The following ST6GALNAC3 variants were observed in gnomAD, a reference collection of about 807,000 sequenced individuals.
The protein encoded by ST6GALNAC3 is alpha-N-acetylgalactosaminide alpha-2,6-sialyltransferase 3.
A neutral mutation model predicts 32.7 loss-of-function variants in ST6GALNAC3; 25 were observed. The ratio of observed to expected loss-of-function variants is 0.76; its 90% CI spans 0.56 to 1.07. The LOEUF (loss-of-function observed/expected upper bound fraction) is 1.07. ST6GALNAC3 is among the 50% of genes least tolerant of loss of function. ST6GALNAC3 has a pLI of 0.00. For missense variants in ST6GALNAC3, 355 were observed against 382.4 expected, an observed-to-expected ratio of 0.93 and a Z score of 0.60; for synonymous variants, 129 against 133.1, an observed-to-expected ratio of 0.97 and a Z score of 0.21.
intron 1 of ST6GALNAC3, among the ~76,000 whole-genome samples, chr1:76,116,998 A>G (rs1007937244): frequency 6.6e-6 from 1 of 152,150 alleles, no homozygotes; most frequent in South Asian, 2.1e-4. Flanking sequence ...GGCTCTCCAC[A>G]TGCTCCAGGC....
At chr1:76,180,995 G>C (rs1019023088) in intron 1 of ST6GALNAC3, among the ~76,000 whole-genome samples, 6 of 152,232 alleles carry the variant, frequency 3.9e-5, no homozygotes, top group African/African-American at 9.6e-5. Flanking sequence ...TGCGTGGATG[G>C]CAAGGCTAAA....
At chr1:76,344,613 T>G (rs1648340170) in intron 2 of ST6GALNAC3, among the ~76,000 whole-genome samples, 1 of 152,184 alleles carries the variant, frequency 6.6e-6, no homozygotes. Flanking sequence ...TGAATATGAT[T>G]CCTGCTATAC....
intron 1 of ST6GALNAC3, among the ~76,000 whole-genome samples, chr1:76,274,764 A>G (rs1659039980): frequency 1.3e-5 from 2 of 152,070 alleles, no homozygotes; most frequent in Non-Finnish European, 2.9e-5. Context: ...TTTCCAGGGT[A>G]CTCTCTTATC....
intron 1 of ST6GALNAC3, among the ~76,000 whole-genome samples, chr1:76,238,231 T>G (rs1037336082): frequency 6.6e-6 from 1 of 152,256 alleles, no homozygotes; most frequent in Non-Finnish European, 1.5e-5. Flanking sequence ...CCTTGGATTC[T>G]CTACATATCC....
intron 2 of ST6GALNAC3, among the ~76,000 whole-genome samples, chr1:76,332,355 C>T (rs541419342): frequency 6.6e-6 from 1 of 152,246 alleles, no homozygotes; most frequent in Admixed American, 6.5e-5. Flanking sequence ...TTTTTCTCAT[C>T]TTCTAATTCG....
chr1:76,507,385 G>A (rs1054905125), intron 3 of ST6GALNAC3, among the ~76,000 whole-genome samples: 18 of 151,916 alleles, frequency 1.2e-4, no homozygotes, highest in African/African-American at 4.4e-4. Flanking sequence ...ATCAATTTTA[G>A]GACACTTTCA....
At chr1:76,135,196 A>C (rs1649865349) in intron 1 of ST6GALNAC3, among the ~76,000 whole-genome samples, 1 of 152,136 alleles carries the variant, frequency 6.6e-6, no homozygotes, top group South Asian at 2.1e-4. Context: ...ATAATAAAAA[A>C]CTTGCTAATA....
At chr1:76,260,386 G>A (rs1557734616) in intron 1 of ST6GALNAC3, among the ~76,000 whole-genome samples, 1 of 152,214 alleles carries the variant, frequency 6.6e-6, no homozygotes, top group Non-Finnish European at 1.5e-5. Flanking sequence ...AGCAAAGGCT[G>A]ATCTTTAAGG....
intron 3 of ST6GALNAC3, among the ~76,000 whole-genome samples, chr1:76,422,821 A>C (rs1337932864): frequency 1.3e-5 from 2 of 152,046 alleles, no homozygotes; most frequent in Non-Finnish European, 2.9e-5. Context: ...TTGCACGAAC[A>C]TCTAGCACTA....
At position 76,472,841 on chromosome 1, in the gene ST6GALNAC3, G is replaced by C. The variant is rs183369340; in HGVS notation, c.623+60424G>C. 6.6e-5 allele frequency among the ~76,000 whole-genome samples: 10 copies of C among 152,208 alleles called. No individual in the cohort carries two copies. The East Asian group carries it at 1.7e-3, about 27-fold the overall frequency. On this transcript the variant is annotated intron_variant, in intron 3 of 4. Coordinates refer to ENST00000328299, the MANE Select transcript of ST6GALNAC3 (RefSeq NM_152996.4). ...GGAGAGAAAAACGAGGCCAGAGGTA[G>C]ATACAGGCCAGGAATTAGGTGAAAG...
At chr1:76,330,192 G>A (rs182206424) in intron 2 of ST6GALNAC3, among the ~76,000 whole-genome samples, 82 of 149,184 alleles carry the variant, frequency 5.5e-4, no homozygotes, top group African/African-American at 1.4e-3. Flanking sequence ...TCACTCTGTC[G>A]CCCAGGCTGG....
chr1:76,195,115 T>G (rs1654122807), intron 1 of ST6GALNAC3, among the ~76,000 whole-genome samples: 1 of 152,164 alleles, frequency 6.6e-6, no homozygotes, highest in Non-Finnish European at 1.5e-5. Context: ...AGATGTGAGT[T>G]TTACAAAATC....
chr1:76,133,645 G>A (rs756847753), intron 1 of ST6GALNAC3, among the ~76,000 whole-genome samples: 10 of 152,208 alleles, frequency 6.6e-5, no homozygotes, highest in Admixed American at 1.3e-4. Context: ...TGGTGAGACC[G>A]CAGTAAGTAT....
At chr1:76,510,946 A>G (rs1001898423) in intron 3 of ST6GALNAC3, among the ~76,000 whole-genome samples, 1 of 152,164 alleles carries the variant, frequency 6.6e-6, no homozygotes, top group African/African-American at 2.4e-5. Flanking sequence ...ATAATCATAA[A>G]ATTAAAAAAA....
At chr1:76,099,934 A>C (rs550738964) in intron 1 of ST6GALNAC3, among the ~76,000 whole-genome samples, 1 of 152,110 alleles carries the variant, frequency 6.6e-6, no homozygotes, top group Non-Finnish European at 1.5e-5. Context: ...TCTCACATTA[A>C]TATTCTTTTG....
At chr1:76,210,967 A>T (rs1453275903) in intron 1 of ST6GALNAC3, among the ~76,000 whole-genome samples, 1 of 152,008 alleles carries the variant, frequency 6.6e-6, no homozygotes, top group Non-Finnish European at 1.5e-5. Context: ...CAAGTGATCC[A>T]CCTGCCTTAG....
chr1:76,600,463 C>T (rs531567852), intron 3 of ST6GALNAC3, among the ~76,000 whole-genome samples: 6 of 152,272 alleles, frequency 3.9e-5, no homozygotes, highest in Non-Finnish European at 7.4e-5. Context: ...CCAGCCTTCA[C>T]TGAGTACTTA....
chr1:76,538,412 C>G (rs1663761187), intron 3 of ST6GALNAC3, among the ~76,000 whole-genome samples: 1 of 152,122 alleles, frequency 6.6e-6, no homozygotes, highest in South Asian at 2.1e-4. Context: ...CAGCCAATAT[C>G]ATATTGAATG....
In ST6GALNAC3 at chr1:76,573,169, G is replaced by A. The variant is rs192343570; in HGVS notation, c.624-54283G>A. The stretch of plus-strand genomic sequence containing the variant: ...AGTCACTTAGCCATGTCTTTTCCAG[G>A]GGGCATGCAAGGCGACTGCTGATTT... On this transcript the variant is annotated intron_variant, in intron 3 of 4. Transcript: ENST00000328299. Among the ~76,000 whole-genome samples the A allele has an allele frequency of 2.0e-3, 299 of 152,182 alleles. 1 individual carries two copies. Among genetic ancestry groups the A allele is most frequent in the Admixed American group, 4.2e-3 (64 of 15,282 alleles).
Sources: gnomAD v4.1 joint callset for allele counts (sites outside exome capture counted in the v4.1 genomes callset) on GRCh38, gnomAD v4.1.1 for gene constraint, MANE v1.5 for transcripts, NCBI Gene and HGNC (gene_info 2026-07-23, HGNC 2026-07-21) for gene names.